ARL15: variants seen among roughly 807,000 people sequenced by gnomAD.
ARL15 encodes ADP-ribosylation factor-like protein 15.
A neutral mutation model predicts 25.2 loss-of-function variants in ARL15; 19 were observed. The ratio of observed to expected loss-of-function variants is 0.75; its 90% CI spans 0.53 to 1.10. ARL15 has a LOEUF of 1.10. Among genes scored for constraint, ARL15 ranks in the 50% least tolerant of loss-of-function variants. ARL15 has a pLI of 0.00. For synonymous variants in ARL15, 94 were observed against 86.8 expected, an observed-to-expected ratio of 1.08 and a Z score of -0.46; for missense variants, 220 against 246.0, an observed-to-expected ratio of 0.89 and a Z score of 0.71.
At chr5:54,152,831 G>C (rs892754576) in intron 3 of ARL15, among the ~76,000 whole-genome samples, 4 of 152,188 alleles carry the variant, frequency 2.6e-5, no homozygotes. Flanking sequence ...AACCGTGCTT[G>C]AGAACAGACC....
At chr5:54,220,060 A>C (rs2112528612) in intron 1 of ARL15, among the ~76,000 whole-genome samples, 1 of 152,334 alleles carries the variant, frequency 6.6e-6, no homozygotes, top group East Asian at 1.9e-4. Context: ...GATTATTTAA[A>C]AAAAACACTA....
At chr5:54,013,637 A>G (rs1411048265) in intron 4 of ARL15, among the ~76,000 whole-genome samples, 4 of 152,130 alleles carry the variant, frequency 2.6e-5, no homozygotes, top group African/African-American at 9.7e-5. Context: ...ACTATAAATA[A>G]CATCACTATT....
At chr5:54,086,369 A>G (rs1474821913) in intron 4 of ARL15, among the ~76,000 whole-genome samples, 1 of 151,922 alleles carries the variant, frequency 6.6e-6, no homozygotes, top group East Asian at 1.9e-4. Context: ...AAATAGCCTC[A>G]TCCTGCTCAT....
At chr5:54,039,988 T>A (rs1016954697) in intron 4 of ARL15, among the ~76,000 whole-genome samples, 1 of 152,146 alleles carries the variant, frequency 6.6e-6, no homozygotes, top group African/African-American at 2.4e-5. Context: ...GAAACTGTAA[T>A]GCATTTATTC....
chr5:54,231,584 G>A (rs570833716), intron 1 of ARL15, among the ~76,000 whole-genome samples: 1 of 152,246 alleles, frequency 6.6e-6, no homozygotes, highest in South Asian at 2.1e-4. Flanking sequence ...TCTTAGCTTA[G>A]GCTACCATGA....
chr5:54,091,079 A>G (rs1752113306), intron 4 of ARL15, among the ~76,000 whole-genome samples: 1 of 152,178 alleles, frequency 6.6e-6, no homozygotes, highest in South Asian at 2.1e-4. Context: ...CTTTTCTTCA[A>G]TTATTTGCAA....
At chr5:54,009,071 C>A (rs1749143366) in intron 4 of ARL15, among the ~76,000 whole-genome samples, 1 of 152,088 alleles carries the variant, frequency 6.6e-6, no homozygotes, top group African/African-American at 2.4e-5. Context: ...AATAAAATGT[C>A]CATTAGAATT....
At chr5:53,995,264 T>G (rs1271681973) in intron 4 of ARL15, among the ~76,000 whole-genome samples, 2 of 130,444 alleles carry the variant, frequency 1.5e-5, no homozygotes, top group African/African-American at 6.0e-5. Context: ...GCCGAGATTG[T>G]GCCACTGCAC....
intron 4 of ARL15, among the ~76,000 whole-genome samples, chr5:54,038,665 A>G (rs1236032929): frequency 6.6e-6 from 1 of 152,078 alleles, no homozygotes; most frequent in Non-Finnish European, 1.5e-5. Flanking sequence ...ATTAAGTGAT[A>G]AACTAACACT....
intron 4 of ARL15, among the ~76,000 whole-genome samples, chr5:54,087,817 A>G (rs1045541998): frequency 1.6e-4 from 6 of 37,270 alleles, no homozygotes; most frequent in African/African-American, 3.7e-4. Flanking sequence ...CTAGGATTAC[A>G]GTCACATGAC....
intron 1 of ARL15, among the ~76,000 whole-genome samples, chr5:54,183,214 C>A (rs1386406366): frequency 2.4e-5 from 2 of 82,988 alleles, no homozygotes; most frequent in African/African-American, 4.1e-5. Flanking sequence ...GAGAGGGTAT[C>A]CCTGTCTTGT....
intron 4 of ARL15, among the ~76,000 whole-genome samples, chr5:54,052,280 TA>T (rs756182031): frequency 1.3e-5 from 2 of 151,906 alleles, no homozygotes; most frequent in African/African-American, 2.4e-5. Flanking sequence ...GTATGCAAAT[TA>T]AAAAAAATTA....
intron 1 of ARL15, among the ~76,000 whole-genome samples, chr5:54,254,618 A>G (rs1757320002): frequency 6.6e-6 from 1 of 152,230 alleles, no homozygotes; most frequent in African/African-American, 2.4e-5. Context: ...GGGTCCTTTC[A>G]ATTCCCTAGC....
Position 54,166,128 on chromosome 5 carries a change from G to A in ARL15, c.193+5656C>T, listed in dbSNP as rs188807409. Among the ~76,000 whole-genome samples, 233 of 152,030 alleles carry A rather than the reference G, an allele frequency of 1.5e-3. 2 individuals are homozygous for A. Among genetic ancestry groups the A allele is most frequent in the Admixed American group, 7.9e-3 (121 of 15,256 alleles). On this transcript the variant is annotated intron_variant, in intron 2 of 4. Transcript: ENST00000504924. The stretch of plus-strand genomic sequence containing the variant: ...ATTAAACATCATATTCTTTATCACC[G>A]GTTTTGAACAATTTTATTATGATGT...
intron 1 of ARL15, among the ~76,000 whole-genome samples, chr5:54,248,647 C>T (rs1391969527): frequency 6.6e-6 from 1 of 152,202 alleles, no homozygotes; most frequent in East Asian, 1.9e-4. Context: ...CTTCTCTACT[C>T]GAATGTAAGT....
chr5:53,915,506 C>A lies in ARL15; in HGVS notation c.463-28793G>T, dbSNP rs114956235. 5.2e-3 allele frequency among the ~76,000 whole-genome samples: 787 copies of A among 152,248 alleles called. 3 individuals are homozygous for A. Among genetic ancestry groups the A allele is most frequent in the Non-Finnish European group, 8.8e-3 (598 of 68,018 alleles). ...ATAATATTTATAAATGATAATAAAT[C>A]CATAGCAAAAGAAGCTTTAAAACTA... is the stretch of plus-strand genomic sequence containing the variant. On this transcript the variant is annotated intron_variant, in intron 4 of 4. Transcript: ENST00000504924.
chr5:53,997,729 C>A (rs1441132492), intron 4 of ARL15, among the ~76,000 whole-genome samples: 3 of 152,046 alleles, frequency 2.0e-5, no homozygotes, highest in Non-Finnish European at 4.4e-5. Flanking sequence ...TTAGCCAGAA[C>A]AATTCCACTT....
chr5:54,057,961 T>A (rs1750929260), intron 4 of ARL15, among the ~76,000 whole-genome samples: 1 of 152,002 alleles, frequency 6.6e-6, no homozygotes, highest in South Asian at 2.1e-4. Flanking sequence ...TGGTATTTTA[T>A]CTCTGTCTCC....
chr5:53,907,484 ATATATTTTTTT>A lies in ARL15; in HGVS notation c.463-20782_463-20772del, dbSNP rs1294942407. 3.6e-3 allele frequency among the ~76,000 whole-genome samples: 95 copies of A among 26,318 alleles called. 1 individual carries two copies. Among genetic ancestry groups the A allele is most frequent in the African/African-American group, 0.016 (82 of 5,134 alleles). 17.3% of individuals were successfully genotyped at this position (26,318 alleles called of 152,430 possible). ...TATATATATATATATATATATATAT[ATATATTTTTTT>A]TTTTTTTTTTTTTTTTTTTTGAGGC... On this transcript the variant is annotated intron_variant, in intron 4 of 4. Transcript: ENST00000504924.
Sources: allele counts gnomAD v4.1 joint callset (sites outside exome capture counted in the v4.1 genomes callset), GRCh38; gene constraint gnomAD v4.1.1; transcripts MANE v1.5; gene names NCBI Gene and HGNC (gene_info 2026-07-23, HGNC 2026-07-21).